The following SELP variants were observed in gnomAD, a reference collection of about 807,000 sequenced individuals.
SELP encodes the protein selectin P.
SELP carries 92 observed loss-of-function variants against 104.1 expected under a neutral mutation model. That is an observed-to-expected ratio of 0.88 (90% CI 0.75 to 1.05). The LOEUF is 1.05. Among genes scored for constraint, SELP ranks in the 50% least tolerant of loss-of-function variants. The pLI is 0.00. For missense variants in SELP, 1,022 were observed against 1,017.3 expected, an observed-to-expected ratio of 1.00 and a Z score of -0.06; for synonymous variants, 397 against 364.5, an observed-to-expected ratio of 1.09 and a Z score of -1.01.
chr1:169,626,260 G>A (rs1002220845), intron 1 of SELP, among the ~76,000 whole-genome samples: 1 of 152,164 alleles, frequency 6.6e-6, no homozygotes, highest in Non-Finnish European at 1.5e-5. Flanking sequence ...CAAAACAAGG[G>A]GATGAGATTT....
Position 169,609,452 on chromosome 1 carries a change from A to G in SELP, c.1333+52T>C. ...ATGCCAATGCTCAGTGCAGATGCTGATGCCTCTAACGAGCTGAGACACACA... is the reference window on the plus strand; with the variant it reads ...ATGCCAATGCTCAGTGCAGATGCTGGTGCCTCTAACGAGCTGAGACACACA... On this transcript the variant is annotated intron_variant, in intron 8 of 16. Coordinates refer to ENST00000263686, the MANE Select transcript of SELP (RefSeq NM_003005.4). 3 of 1,533,814 alleles carry G rather than the reference A, an allele frequency of 2.0e-6. No homozygotes were observed. In the South Asian group the frequency reaches 3.6e-5, roughly 19 times the overall value.
chr1:169,629,339 T>A (rs765379848), intron 1 of SELP, among the ~76,000 whole-genome samples: 6 of 152,270 alleles, frequency 3.9e-5, no homozygotes, highest in Non-Finnish European at 7.3e-5. Flanking sequence ...AATTTTCTTT[T>A]TATTGTAACA....
chr1:169,615,450 T>G (rs967643133), intron 3 of SELP, among the ~76,000 whole-genome samples: 2 of 152,226 alleles, frequency 1.3e-5, no homozygotes, highest in African/African-American at 4.8e-5. Flanking sequence ...ATCTTTTTTC[T>G]ATCTTGCAAT....
rs1300865319 is a variant in SELP, at chr1:169,617,237, C to T, written c.272G>A (p.Trp91Ter). Residue 91 changes from tryptophan to a stop codon, truncating the protein, a stop_gained, in exon 3 of 17, where the codon TGG becomes TAG. Coordinates refer to ENST00000263686, the MANE Select transcript of SELP (RefSeq NM_003005.4). LOFTEE classifies it high-confidence loss of function. Reference sequence around the variant, plus strand: ...CTTATTGTTCTTTCGGATCCCAATCCAGTAGTAGGAGCTGTAGTAGGGTAG... The same window carrying T: ...CTTATTGTTCTTTCGGATCCCAATCTAGTAGTAGGAGCTGTAGTAGGGTAG... ...KVLPYYSSYY[W>*]IGIRKNNKTW... 3 of 1,613,946 alleles carry T rather than the reference C, an allele frequency of 1.9e-6. No homozygotes were observed. The highest frequency in any genetic ancestry group is 2.5e-6 in the Non-Finnish European group (3 of 1,180,010).
Position 169,617,143 on chromosome 1 carries a change from A to G in SELP, c.366T>C (p.Pro122=), listed in dbSNP as rs748717704. 6.2e-7 allele frequency: 1 copy of G among 1,614,012 alleles called. No homozygotes were observed. The highest frequency in any genetic ancestry group is 8.5e-7 in the Non-Finnish European group (1 of 1,179,988). The change falls in exon 3 of 17, where the codon CCT becomes CCC. Residue 122 remains proline (P), a synonymous_variant. Transcript: ENST00000263686. The part of the protein sequence containing the change: ...NEAENWADNE[P]NNKRNNEDCV... ...AGTCCTCGTTGTTCCTTTTGTTGTT[A>G]GGTTCATTATCAGCCCAGTTCTCAG...
At chr1:169,614,405 G>A (rs1474481626) in intron 3 of SELP, among the ~76,000 whole-genome samples, 1 of 152,202 alleles carries the variant, frequency 6.6e-6, no homozygotes, top group Non-Finnish European at 1.5e-5. Flanking sequence ...CCAAGATAGT[G>A]CCACTCAGGT....
intron 9 of SELP, among the ~76,000 whole-genome samples, chr1:169,605,131 GC>G (rs1445211281): frequency 6.6e-6 from 1 of 152,220 alleles, no homozygotes; most frequent in African/African-American, 2.4e-5. Context: ...TGTAATCTGT[GC>G]CCTGCACCAC....
intron 1 of SELP, among the ~76,000 whole-genome samples, chr1:169,627,295 A>C (rs1353650602): frequency 6.6e-6 from 1 of 152,204 alleles, no homozygotes; most frequent in African/African-American, 2.4e-5. Context: ...TACAGTGAGA[A>C]AAGAGGTTGT....
intron 11 of SELP, among the ~76,000 whole-genome samples, chr1:169,596,650 A>T (rs1009678333): frequency 6.6e-5 from 10 of 152,186 alleles, no homozygotes; most frequent in African/African-American, 2.4e-4. Context: ...CTGCACCTCA[A>T]TTCCTAGATT....
chr1:169,596,395 A>T (rs889013027), intron 11 of SELP, among the ~76,000 whole-genome samples: 14 of 152,250 alleles, frequency 9.2e-5, no homozygotes, highest in African/African-American at 2.9e-4. Flanking sequence ...TTGCTATTTT[A>T]AAAAGAAGCA....
At position 169,596,081 on chromosome 1, in the gene SELP, C is replaced by T; in HGVS notation, c.1945G>A (p.Gly649Arg). 1.2e-6 allele frequency: 2 copies of T among 1,613,862 alleles called. No homozygotes were observed. Among genetic ancestry groups the T allele is most frequent in the Non-Finnish European group, 1.7e-6 (2 of 1,179,820 alleles). The change falls in exon 12 of 17, where the codon GGG (glycine) becomes AGG (arginine). Residue 649 changes from glycine to arginine, a missense_variant. Gly to Arg is a moderately radical substitution (Grantham distance 125). Transcript: ENST00000263686. ...GVQCPALTTP[G>R]QGTMYCRHHP... ...TGCCTACAGTACATGGTTCCCTGCC[C>T]AGGAGTGGTGAGGGCTGGACATTGC...
rs1661598772 is a variant in SELP at position 169,596,136 on chromosome 1, T to A, written c.1892-2A>T. 8.1e-6 allele frequency: 13 copies of A among 1,613,102 alleles called. No homozygotes were observed. The highest frequency in any genetic ancestry group is 1.1e-5 in the Non-Finnish European group (13 of 1,179,362). On this transcript the variant is annotated splice_acceptor_variant, in intron 11 of 16. Transcript: ENST00000263686. LOFTEE classifies it high-confidence loss of function. ...CTGGAGTAGGAAGTGATGCTATGCC[T>A]GTTGTGAGAAAATGTTTCCATTCAG...
At chr1:169,615,236 T>C (rs1450118849) in intron 3 of SELP, among the ~76,000 whole-genome samples, 1 of 152,214 alleles carries the variant, frequency 6.6e-6, no homozygotes, top group African/African-American at 2.4e-5. Context: ...TATATCTATT[T>C]CTCATCTCCC....
At chr1:169,597,778 C>G (rs1020811739) in intron 10 of SELP, among the ~76,000 whole-genome samples, 1 of 152,184 alleles carries the variant, frequency 6.6e-6, no homozygotes, top group Non-Finnish European at 1.5e-5. Flanking sequence ...TTGGAATTCC[C>G]TGAAGTGACT....
At chr1:169,617,696 G>A (rs1298848926) in intron 2 of SELP, among the ~76,000 whole-genome samples, 1 of 152,144 alleles carries the variant, frequency 6.6e-6, no homozygotes. Context: ...AGGGACCCTG[G>A]AAGTCATCTA....
At chr1:169,597,645 A>T (rs1047686183) in intron 10 of SELP, among the ~76,000 whole-genome samples, 2 of 152,066 alleles carry the variant, frequency 1.3e-5, no homozygotes, top group African/African-American at 2.4e-5. Context: ...TCTGCCTCAA[A>T]CTATTTCTTC....
At chr1:169,605,531 G>A (rs185466451) in intron 9 of SELP, among the ~76,000 whole-genome samples, 2 of 152,066 alleles carry the variant, frequency 1.3e-5, no homozygotes, top group Non-Finnish European at 2.9e-5. Flanking sequence ...TGTGTGACCT[G>A]AATAGTGAGT....
At chr1:169,607,178 T>G in intron 8 of SELP, 44 bp from the exon 9 acceptor site, 1 of 1,452,360 alleles carries the variant, frequency 6.9e-7, no homozygotes, top group Non-Finnish European at 9.2e-7. Flanking sequence ...GTAATACACA[T>G]GTACTCATTG....
At chr1:169,597,436 A>T (rs1438549953) in intron 10 of SELP, among the ~76,000 whole-genome samples, 1 of 152,146 alleles carries the variant, frequency 6.6e-6, no homozygotes, top group Non-Finnish European at 1.5e-5. Context: ...AGCCATACTC[A>T]AGAACTTACA....
Sources: gnomAD v4.1 joint callset for allele counts (sites outside exome capture counted in the v4.1 genomes callset) on GRCh38, gnomAD v4.1.1 for gene constraint, MANE v1.5 for transcripts, NCBI Gene and HGNC (gene_info 2026-07-23, HGNC 2026-07-21) for gene names.